The following NRP1 variants were observed in gnomAD, a reference collection of about 807,000 sequenced individuals.
NRP1 encodes neuropilin-1.
Under a neutral mutation model 106.7 loss-of-function variants are expected in NRP1, and 35 were observed. That is an observed-to-expected ratio of 0.33 (90% CI 0.25 to 0.43). The LOEUF (loss-of-function observed/expected upper bound fraction) is 0.43. Among genes scored for constraint, NRP1 ranks in the 20% least tolerant of loss-of-function variants. The probability of loss-of-function intolerance (pLI) is 1.00; values close to 1 mark genes in which losing one functional copy is unlikely to be tolerated. For missense variants in NRP1, 1,024 were observed against 1,170.4 expected (o/e 0.87, Z 1.83); for synonymous variants, 437 against 417.9 (o/e 1.05, Z -0.56).
chr10:33,203,239 T>C (rs188270731), intron 10 of NRP1, among the ~76,000 whole-genome samples: 1 of 152,378 alleles, frequency 6.6e-6, no homozygotes, highest in African/African-American at 2.4e-5. Context: ...CTTAGCATTT[T>C]ATACATTGTT....
intron 1 of NRP1, among the ~76,000 whole-genome samples, chr10:33,332,177 T>G (rs1389115656): frequency 6.6e-6 from 1 of 152,226 alleles, no homozygotes; most frequent in Non-Finnish European, 1.5e-5. Flanking sequence ...ATATTGTTTT[T>G]CTCAATCGCT....
At chr10:33,331,803 T>G (rs1247252305) in intron 1 of NRP1, among the ~76,000 whole-genome samples, 4 of 152,226 alleles carry the variant, frequency 2.6e-5, no homozygotes. Flanking sequence ...ATGATGGATT[T>G]CATACTGGAG....
chr10:33,278,585 G>T (rs1226076491), intron 2 of NRP1, among the ~76,000 whole-genome samples: 1 of 152,090 alleles, frequency 6.6e-6, no homozygotes, highest in Non-Finnish European at 1.5e-5. Context: ...TTCTTATGTC[G>T]TTGTCTTCCT....
intron 2 of NRP1, among the ~76,000 whole-genome samples, chr10:33,329,298 C>G (rs879679170): frequency 2.0e-5 from 3 of 152,154 alleles, no homozygotes; most frequent in Non-Finnish European, 2.9e-5. Context: ...TTTTGTTGCA[C>G]TGTAGTATAC....
At chr10:33,320,340 G>A (rs1847409975) in intron 2 of NRP1, among the ~76,000 whole-genome samples, 1 of 151,446 alleles carries the variant, frequency 6.6e-6, no homozygotes, top group Admixed American at 6.6e-5. Context: ...CCTGCACCGG[G>A]ACCCAGTCTC....
chr10:33,224,152 T>C (rs2132920512), intron 7 of NRP1, among the ~76,000 whole-genome samples: 1 of 152,332 alleles, frequency 6.6e-6, no homozygotes, highest in Non-Finnish European at 1.5e-5. Flanking sequence ...CATTAGATTC[T>C]GATTTCATTA....
chr10:33,241,479 C>CT (rs72519582), intron 6 of NRP1, among the ~76,000 whole-genome samples: 93,009 of 152,068 alleles, frequency 0.61, 29,931 homozygotes, highest in African/African-American at 0.82. Context: ...TGTTATTCCT[C>CT]CCTAGCACTG....
chr10:33,323,738 A>C (rs1364156882), intron 2 of NRP1, among the ~76,000 whole-genome samples: 1 of 152,206 alleles, frequency 6.6e-6, no homozygotes, highest in Non-Finnish European at 1.5e-5. Context: ...CTTTAGGCTT[A>C]ATGATCAGTC....
intron 8 of NRP1, 187 bp from the exon 9 acceptor site, chr10:33,213,904 C>A (rs1052037339): frequency 1.8e-6 from 1 of 569,946 alleles, no homozygotes; most frequent in Non-Finnish European, 3.0e-6. Context: ...TCAGAATTCC[C>A]GTCTCTAAAC....
At chr10:33,305,617 A>G (rs1025377722) in intron 2 of NRP1, among the ~76,000 whole-genome samples, 4 of 152,152 alleles carry the variant, frequency 2.6e-5, no homozygotes, top group African/African-American at 9.7e-5. Context: ...TTCTCTACCC[A>G]TCAACTAGAG....
intron 11 of NRP1, among the ~76,000 whole-genome samples, chr10:33,198,316 A>T (rs1484490687): frequency 6.6e-6 from 1 of 151,420 alleles, no homozygotes; most frequent in African/African-American, 2.4e-5. Flanking sequence ...TAATTTTTGT[A>T]TTTTTAGTAG....
intron 2 of NRP1, among the ~76,000 whole-genome samples, chr10:33,274,411 A>G (rs568524361): frequency 6.6e-6 from 1 of 152,332 alleles, no homozygotes; most frequent in South Asian, 2.1e-4. Flanking sequence ...TCTTAAGAGC[A>G]TTACCTAGAG....
intron 6 of NRP1, chr10:33,249,600 A>G: frequency 4.3e-6 from 2 of 463,072 alleles, no homozygotes; most frequent in Admixed American, 2.6e-5. Context: ...AATTAATAAT[A>G]AGATCAGCAG....
chr10:33,192,104 C>G (rs1836458279), intron 13 of NRP1, among the ~76,000 whole-genome samples, 177 bp downstream of exon 13: 1 of 151,860 alleles, frequency 6.6e-6, no homozygotes, highest in Admixed American at 6.6e-5. Flanking sequence ...TTGCCCTATG[C>G]TTCTCGCTAC....
At chr10:33,193,122 C>A (rs1836530946) in intron 12 of NRP1, among the ~76,000 whole-genome samples, 2 of 151,980 alleles carry the variant, frequency 1.3e-5, no homozygotes, top group African/African-American at 4.8e-5. Context: ...AATAGCTACC[C>A]GTTTTTACTT....
At position 33,220,922 on chromosome 10, in the gene NRP1, A is replaced by C. The variant is rs188121974; in HGVS notation, c.1282+797T>G. Among the ~76,000 whole-genome samples the C allele has an allele frequency of 9.5e-3, 1,427 of 149,678 alleles. 10 individuals carry two copies. The highest frequency in any genetic ancestry group is 0.017 in the Non-Finnish European group (1,156 of 67,112). ...TCTCAAAAAAAAAAAAAAAAAAAAAAAGAAAAACAAATAAAAAGATAAAGC... is the reference window on the plus strand; with the variant it reads ...TCTCAAAAAAAAAAAAAAAAAAAAACAGAAAAACAAATAAAAAGATAAAGC... On this transcript the variant is annotated intron_variant, in intron 8 of 16. Transcript: ENST00000374867.
chr10:33,271,046 A>G (rs1843279472), intron 2 of NRP1, among the ~76,000 whole-genome samples, 190 bp from the exon 3 acceptor site: 1 of 152,220 alleles, frequency 6.6e-6, no homozygotes, highest in Admixed American at 6.5e-5. Context: ...GGACTACATC[A>G]TGTCTGTATA....
rs889933746 is a variant in NRP1, at chr10:33,234,532, T to A, written c.982-8243A>T. Among the ~76,000 whole-genome samples the A allele has an allele frequency of 2.6e-5, 4 of 152,282 alleles. No individual in the cohort carries two copies. The East Asian group carries it at 5.8e-4, about 22-fold the overall frequency. On this transcript the variant is annotated intron_variant, in intron 6 of 16. Coordinates refer to ENST00000374867, the MANE Select transcript of NRP1 (RefSeq NM_003873.7). ...GATTGTGTTGACTATTAGTTTAAAG[T>A]TAGCACTGGCCACTGAAAAACAAAA...
intron 15 of NRP1, 78 bp downstream of exon 15, chr10:33,185,550 A>G: frequency 8.8e-7 from 1 of 1,131,728 alleles, no homozygotes; most frequent in Non-Finnish European, 1.3e-6. Flanking sequence ...AGAAATGAGC[A>G]AAACAAAGAC....
Sources: allele counts gnomAD v4.1 joint callset (sites outside exome capture counted in the v4.1 genomes callset), GRCh38; gene constraint gnomAD v4.1.1; transcripts MANE v1.5; gene names NCBI Gene and HGNC (gene_info 2026-07-23, HGNC 2026-07-21).